The following PFKFB1 variants were observed in gnomAD, a reference collection of about 807,000 sequenced individuals.
PFKFB1 encodes the protein 6-phosphofructo-2-kinase/fructose-2,6-biphosphatase 1.
PFKFB1 carries 34 observed loss-of-function variants against 46.4 expected under a neutral mutation model. The ratio of observed to expected loss-of-function variants is 0.73; its 90% CI spans 0.56 to 0.98. PFKFB1 has a LOEUF of 0.98. Among genes scored for constraint, PFKFB1 ranks in the 50% least tolerant of loss-of-function variants. The pLI is 0.00. For synonymous variants in PFKFB1, 119 were observed against 133.8 expected (o/e 0.89, Z 0.76); for missense variants, 393 against 376.3 (o/e 1.04, Z -0.37).
At chrX:54,936,212 G>T (rs775174705) in intron 11 of PFKFB1, among the ~76,000 whole-genome samples, 9 of 111,086 alleles carry the variant, frequency 8.1e-5, no homozygotes, top group Non-Finnish European at 1.7e-4. Flanking sequence ...AATGACCTTG[G>T]CCCGGGCTCT....
chrX:54,987,604 T>G (rs897258812), intron 1 of PFKFB1, among the ~76,000 whole-genome samples: 3 of 110,948 alleles, frequency 2.7e-5, no homozygotes, highest in Non-Finnish European at 5.7e-5. Context: ...TATATATGTA[T>G]ATATTATACT....
chrX:54,974,940 A>G lies in PFKFB1; in HGVS notation c.98-11558T>C, dbSNP rs1314397571. Among the ~76,000 whole-genome samples the G allele has an allele frequency of 4.5e-5, 5 of 111,630 alleles. No individual in the cohort carries two copies. The Admixed American group carries it at 4.8e-4, about 11-fold the overall frequency. ...CTCCTGCAAGAATGGCCATAATTTA[A>G]AAATAAAAAAAAATACATCTTGGCA... On this transcript the variant is annotated intron_variant, in intron 1 of 13. Transcript: ENST00000375006.
intron 1 of PFKFB1, among the ~76,000 whole-genome samples, chrX:54,985,851 T>C (rs750152788): frequency 2.0e-4 from 22 of 109,857 alleles, no homozygotes; most frequent in Middle Eastern, 4.7e-3. Context: ...ATGTATGATG[T>C]ATGTGAAAAG....
At position 54,933,184 on chromosome X, in the gene PFKFB1, G is replaced by A. The variant is rs983836463; in HGVS notation, c.*219C>T. ...TCTTGTAGGCAGTAAGTCTTTATTC[G>A]TCAGAGAATAGGAATTAAGAAAGAA... On this transcript the variant is annotated 3_prime_UTR_variant, in exon 14 of 14. Coordinates refer to ENST00000375006, the MANE Select transcript of PFKFB1 (RefSeq NM_002625.4). The A allele has an allele frequency of 2.4e-5, 10 of 421,509 alleles. No homozygotes were observed. Among genetic ancestry groups the A allele is most frequent in the African/African-American group, 5.0e-5 (2 of 40,065 alleles). The allele number at this position is 421,509 out of a possible 1,213,427, so 34.7% of individuals were successfully genotyped here. A position where few individuals can be genotyped will look rare whatever the true frequency, so the allele number is the denominator to read the frequency against.
chrX:54,960,813 TG>T lies in PFKFB1; in HGVS notation c.317+10del. 2.7e-6 allele frequency: 3 copies of T among 1,117,640 alleles called. No individual in the cohort carries two copies. The highest frequency in any genetic ancestry group is 1.8e-5 in the African/African-American group (1 of 55,818). 92.1% of individuals were successfully genotyped at this position (1,117,640 alleles called of 1,213,427 possible). ...GAGACAGCACAGGTTCCTAAAATAT[TG>T]GGTACTTACTTCCTGATTTGCAGGG... On this transcript the variant is annotated intron_variant, in intron 3 of 13. Transcript: ENST00000375006.
intron 1 of PFKFB1, among the ~76,000 whole-genome samples, chrX:54,966,346 C>T (rs974020682): frequency 5.3e-5 from 6 of 112,181 alleles, no homozygotes; most frequent in African/African-American, 1.6e-4. Flanking sequence ...GAAGTACCAA[C>T]TAAACAATTG....
intron 1 of PFKFB1, among the ~76,000 whole-genome samples, chrX:54,966,214 C>T (rs1042361522): frequency 9.0e-6 from 1 of 111,595 alleles, no homozygotes; most frequent in Admixed American, 9.5e-5. Context: ...TAGTTGGGTC[C>T]AATTCTCAGA....
At chrX:54,958,500 C>T in intron 5 of PFKFB1, 138 bp from the exon 6 acceptor site, 1 of 445,543 alleles carries the variant, frequency 2.2e-6, no homozygotes, top group Non-Finnish European at 4.0e-6. Context: ...TACAGTGGTA[C>T]TTCCAGGCTT....
At chrX:54,955,387 T>C (rs756055413) in intron 7 of PFKFB1, among the ~76,000 whole-genome samples, 1 of 111,527 alleles carries the variant, frequency 9.0e-6, no homozygotes, top group Non-Finnish European at 1.9e-5. Context: ...TCATAATACA[T>C]TTTCAAAGAG....
In PFKFB1 at chrX:54,949,057, T is replaced by C. The variant is rs367884105; in HGVS notation, c.993+18A>G. 2 of 1,206,195 alleles carry C rather than the reference T, an allele frequency of 1.7e-6. No individual in the cohort carries two copies. The highest frequency in any genetic ancestry group is 2.2e-6 in the Non-Finnish European group (2 of 891,350). On this transcript the variant is annotated intron_variant, in intron 9 of 13. Transcript: ENST00000375006. ...CAAGTCACCCCCACACACAGGAGATTCACCCCATGCATCTCACCGCATCAA... is the reference window on the plus strand; with the variant it reads ...CAAGTCACCCCCACACACAGGAGATCCACCCCATGCATCTCACCGCATCAA...
intron 9 of PFKFB1, among the ~76,000 whole-genome samples, chrX:54,947,717 C>T (rs1933846293): frequency 9.0e-6 from 1 of 111,569 alleles, no homozygotes; most frequent in Admixed American, 9.6e-5. Flanking sequence ...TGACGCCTAA[C>T]AATCATAACC....
chrX:54,996,273 T>C (rs573455494), upstream of PFKFB1, among the ~76,000 whole-genome samples: 1 of 112,469 alleles, frequency 8.9e-6, no homozygotes, highest in South Asian at 3.7e-4. Flanking sequence ...TCCCTGTATG[T>C]TTTCCATTGC....
At chrX:54,938,626 C>A (rs1190042400) in intron 10 of PFKFB1, among the ~76,000 whole-genome samples, 1 of 111,193 alleles carries the variant, frequency 9.0e-6, no homozygotes, top group Non-Finnish European at 1.9e-5. Flanking sequence ...TTTAAACCAA[C>A]AAAGATCAAA....
Position 54,940,119 on chromosome X carries a change from A to G in PFKFB1, c.1099-2395T>C, listed in dbSNP as rs1933565067. ...AATCAATAAACATAATCCAGCATAT[A>G]AACAGAACCAATGACAAAAACCACA... On this transcript the variant is annotated intron_variant, in intron 10 of 13. Coordinates refer to ENST00000375006, the MANE Select transcript of PFKFB1 (RefSeq NM_002625.4). Among the ~76,000 whole-genome samples, 4 of 112,301 alleles carry G rather than the reference A, an allele frequency of 3.6e-5. No individual in the cohort carries two copies. The South Asian group carries it at 1.5e-3, about 42-fold the overall frequency.
intron 8 of PFKFB1, among the ~76,000 whole-genome samples, chrX:54,950,850 A>G (rs1238863993): frequency 1.8e-5 from 2 of 112,357 alleles, no homozygotes. Flanking sequence ...ACCTCCCCCC[A>G]TCTCCAGTGG....
intron 1 of PFKFB1, among the ~76,000 whole-genome samples, chrX:54,965,795 G>A (rs2146644378): frequency 9.0e-6 from 1 of 111,339 alleles, no homozygotes; most frequent in South Asian, 3.7e-4. Context: ...GGAAGGAATT[G>A]GGGATAGTCT....
At chrX:54,971,797 C>T (rs1420067233) in intron 1 of PFKFB1, among the ~76,000 whole-genome samples, 1 of 111,790 alleles carries the variant, frequency 8.9e-6, no homozygotes, top group East Asian at 2.8e-4. Flanking sequence ...GTTCTTTTGG[C>T]TTAGGATTGA....
At chrX:54,989,310 A>C (rs1935181573) in intron 1 of PFKFB1, among the ~76,000 whole-genome samples, 1 of 112,035 alleles carries the variant, frequency 8.9e-6, no homozygotes, top group African/African-American at 3.2e-5. Flanking sequence ...TAATGTAGGT[A>C]TATTAATATG....
chrX:54,974,496 A>C (rs1201626667), intron 1 of PFKFB1, among the ~76,000 whole-genome samples: 1 of 111,973 alleles, frequency 8.9e-6, no homozygotes, highest in East Asian at 2.8e-4. Flanking sequence ...AAATCATAAA[A>C]ATTTTACAAG....
Sources: gnomAD v4.1 joint callset for allele counts (sites outside exome capture counted in the v4.1 genomes callset) on GRCh38, gnomAD v4.1.1 for gene constraint, MANE v1.5 for transcripts, NCBI Gene and HGNC (gene_info 2026-07-23, HGNC 2026-07-21) for gene names.